PKIB: variants seen among roughly 807,000 people sequenced by gnomAD.
The protein encoded by PKIB is PKI-beta.
In PKIB, 2 loss-of-function variants were observed where a neutral mutation model predicts 4.5. That is an observed-to-expected ratio of 0.44 (90% CI 0.18 to 1.39). PKIB has a LOEUF of 1.39. Among genes scored for constraint, PKIB ranks in the 40% most tolerant of loss-of-function variants. PKIB has a pLI of 0.27. For missense variants in PKIB, 94 were observed against 92.6 expected, an observed-to-expected ratio of 1.02 and a Z score of -0.06; for synonymous variants, 38 against 36.0, an observed-to-expected ratio of 1.06 and a Z score of -0.20.
intron 2 of PKIB, among the ~76,000 whole-genome samples, chr6:122,530,720 A>T (rs1777230717): frequency 6.6e-6 from 1 of 152,182 alleles, no homozygotes; most frequent in South Asian, 2.1e-4. Context: ...AAACTCTCCC[A>T]GTCAGGTGAG....
chr6:122,610,175 ATTAG>A (rs1047167304), upstream of PKIB: 21 of 152,352 alleles, frequency 1.4e-4, no homozygotes, highest in African/African-American at 4.6e-4. Context: ...ATCACCGATA[ATTAG>A]TTGGTGGTTA....
At chr6:122,475,359 A>G (rs184251688) in intron 1 of PKIB, among the ~76,000 whole-genome samples, 1 of 152,370 alleles carries the variant, frequency 6.6e-6, no homozygotes, top group Non-Finnish European at 1.5e-5. Flanking sequence ...ATTCCTGTTG[A>G]AATCCATAAG....
At chr6:122,537,358 T>G (rs1206384335) in intron 2 of PKIB, among the ~76,000 whole-genome samples, 1 of 152,036 alleles carries the variant, frequency 6.6e-6, no homozygotes, top group African/African-American at 2.4e-5. Context: ...GATGTTCCCC[T>G]TCCTGTGTCC....
At chr6:122,705,549 T>C (rs933737939) in intron 3 of PKIB, among the ~76,000 whole-genome samples, 19 of 150,592 alleles carry the variant, frequency 1.3e-4, no homozygotes, top group African/African-American at 4.4e-4. Flanking sequence ...CTGTCTCTAT[T>C]TTCAGAAAGC....
chr6:122,512,869 C>G (rs568527244), intron 2 of PKIB, among the ~76,000 whole-genome samples: 42 of 152,304 alleles, frequency 2.8e-4, no homozygotes, highest in African/African-American at 9.9e-4. Flanking sequence ...CATTCACTTC[C>G]TTAAGATTTA....
chr6:122,473,368 G>A (rs1775361356), intron 1 of PKIB, among the ~76,000 whole-genome samples: 1 of 152,184 alleles, frequency 6.6e-6, no homozygotes, highest in African/African-American at 2.4e-5. Context: ...CTCCATTTAA[G>A]AGGGTTTCTG....
At chr6:122,551,837 A>G (rs111964719) in intron 2 of PKIB, among the ~76,000 whole-genome samples, 4 of 146,348 alleles carry the variant, frequency 2.7e-5, no homozygotes, top group African/African-American at 1.0e-4. Context: ...TCACCCAGCT[A>G]TAGAAAGTGA....
At chr6:122,698,297 T>C (rs577622645) in intron 3 of PKIB, among the ~76,000 whole-genome samples, 3 of 152,256 alleles carry the variant, frequency 2.0e-5, no homozygotes, top group African/African-American at 4.8e-5. Context: ...GGCAAAGGAC[T>C]GATGGTAGAG....
chr6:122,710,125 A>G (rs1779213008), intron 3 of PKIB, among the ~76,000 whole-genome samples: 1 of 152,174 alleles, frequency 6.6e-6, no homozygotes, highest in South Asian at 2.1e-4. Flanking sequence ...TATTGATTGT[A>G]TTAAGCAGAT....
At position 122,717,960 on chromosome 6, in the gene PKIB, G is replaced by A. The variant is rs373072930; in HGVS notation, c.166G>A (p.Glu56Lys). ...CAAACTGGAGGCTCTCTCCGTGAAG[G>A]AAGGTAATACTCAAAATCCTCTTAC... ...PLKLEALSVK[E>K]DAKEKDEKTT... The change falls in exon 4 of 5, where the codon GAA becomes AAA. Residue 56 changes from glutamate (E) to lysine (K), a missense_variant. Transcript: ENST00000368452. 76 of 1,612,812 alleles carry A rather than the reference G, an allele frequency of 4.7e-5. No individual in the cohort carries two copies. In the South Asian group the frequency reaches 7.9e-4, roughly 17 times the overall value.
At chr6:122,662,332 T>C (rs1183798607) in intron 2 of PKIB, among the ~76,000 whole-genome samples, 1 of 131,278 alleles carries the variant, frequency 7.6e-6, no homozygotes, top group Non-Finnish European at 1.6e-5. Flanking sequence ...TTTTTTTTTT[T>C]TTTTTGGAGA....
At chr6:122,558,165 G>A (rs1772902394) in intron 2 of PKIB, among the ~76,000 whole-genome samples, 1 of 152,134 alleles carries the variant, frequency 6.6e-6, no homozygotes, top group Non-Finnish European at 1.5e-5. Flanking sequence ...TTTAGTCATG[G>A]CTGAATTTAG....
At chr6:122,694,988 G>A in intron 3 of PKIB, among the ~76,000 whole-genome samples, 1 of 152,178 alleles carries the variant, frequency 6.6e-6, no homozygotes, top group East Asian at 1.9e-4. Context: ...ATCTAATACA[G>A]TAGAGGGTTC....
At chr6:122,471,952 CTT>C in exon 1 of PKIB, 1 of 1,128,340 alleles carries the variant, frequency 8.9e-7, no homozygotes, top group South Asian at 1.8e-5. Flanking sequence ...ACACGGCTGT[CTT>C]CTTTCCTGGA....
intron 2 of PKIB, among the ~76,000 whole-genome samples, chr6:122,576,113 A>G (rs972877443): frequency 1.3e-5 from 2 of 152,214 alleles, no homozygotes; most frequent in African/African-American, 4.8e-5. Flanking sequence ...TAAAAGAAAC[A>G]TTTTGAGATT....
upstream of PKIB, among the ~76,000 whole-genome samples, chr6:122,606,163 G>A (rs973321054): frequency 2.6e-5 from 4 of 152,166 alleles, no homozygotes; most frequent in Admixed American, 2.6e-4. Context: ...TAAGAAGAGG[G>A]GAATACCAAT....
At chr6:122,645,251 A>G (rs148347583) in intron 2 of PKIB, among the ~76,000 whole-genome samples, 2 of 152,358 alleles carry the variant, frequency 1.3e-5, no homozygotes, top group East Asian at 3.9e-4. Flanking sequence ...GGCATATTTT[A>G]TAGGACAAAG....
At chr6:122,674,704 G>A (rs142923291) in intron 2 of PKIB, among the ~76,000 whole-genome samples, 18 of 152,140 alleles carry the variant, frequency 1.2e-4, no homozygotes, top group East Asian at 1.2e-3. Context: ...TCCAAAGGTG[G>A]TATCATGCCA....
At chr6:122,576,540 C>T (rs1282537194) in intron 2 of PKIB, among the ~76,000 whole-genome samples, 4 of 150,468 alleles carry the variant, frequency 2.7e-5, no homozygotes, top group African/African-American at 7.3e-5. Context: ...TGGTGGCAGG[C>T]GCCTGTAGTC....
Sources: gnomAD v4.1 joint callset for allele counts (sites outside exome capture counted in the v4.1 genomes callset) on GRCh38, gnomAD v4.1.1 for gene constraint, MANE v1.5 for transcripts, NCBI Gene and HGNC (gene_info 2026-07-23, HGNC 2026-07-21) for gene names.